Variants in LRRC8E observed in about 807,000 individuals in gnomAD.
LRRC8E encodes leucine rich repeat containing 8 VRAC subunit E, also known as volume-regulated anion channel subunit LRRC8E.
LRRC8E carries 6 observed loss-of-function variants against 6.1 expected under a neutral mutation model. That is an observed-to-expected ratio of 0.98 (90% confidence interval 0.54 to 1.93). The LOEUF (loss-of-function observed/expected upper bound fraction) is 1.93, where lower values mean the gene tolerates loss of function less well. Ranked by LOEUF, LRRC8E falls within the 30% of genes most tolerant of loss-of-function variation. The pLI, the probability that LRRC8E is intolerant of heterozygous loss-of-function variation, is 0.01. For synonymous variants in LRRC8E, 485 were observed against 472.8 expected (o/e 1.03, Z -0.33); for missense variants, 1,028 against 1,031.4 (o/e 1.00, Z 0.04).
intron 1 of LRRC8E, among the ~76,000 whole-genome samples, chr19:7,891,546 T>TGTGTGTG (rs71179158): frequency 7.6e-6 from 1 of 131,030 alleles, no homozygotes; most frequent in African/African-American, 2.8e-5. Context: ...TGTGTGTGTG[T>TGTGTGTG]TTGTGTGTGT....
Position 7,900,847 on chromosome 19 carries a change from C to T in LRRC8E, c.2325C>T (p.Leu775=), listed in dbSNP as rs952362780. 5.1e-6 allele frequency: 8 copies of T among 1,561,156 alleles called. No individual in the cohort carries two copies. Among genetic ancestry groups the T allele is most frequent in the Admixed American group, 1.9e-5 (1 of 51,684 alleles). Residue 775 remains leucine (L), a synonymous_variant, in exon 3 of 3, where the codon CTC becomes CTT. Transcript: ENST00000306708. This position sits in a 1 kb window ranked among gnomAD's most constrained non-coding sequence, Gnocchi z 5.0. ...GNCGGLKKAG[L]LVEDTLYQGL... is the part of the protein sequence containing the mutation. ...GTGGGGGGCTCAAGAAGGCGGGGCT[C>T]CTGGTGGAAGACACGCTTTACCAGG...
Position 7,900,589 on chromosome 19 carries a change from C to T in LRRC8E, c.2067C>T (p.His689=). Residue 689 remains histidine (H), a synonymous_variant, in exon 3 of 3, where the codon CAC becomes CAT. Coordinates refer to ENST00000306708, the MANE Select transcript of LRRC8E (RefSeq NM_025061.6). This position sits in a 1 kb window ranked among gnomAD's most constrained non-coding sequence, Gnocchi z 5.0. ...TGGATGTGTCCCACAATGGGCTACA[C>T]TCCCTGCCACCCGAGGTGGGCCTCC... ...RLLDVSHNGL[H]SLPPEVGLLQ... 1.9e-6 allele frequency: 3 copies of T among 1,613,300 alleles called. No individual in the cohort carries two copies. Among genetic ancestry groups the T allele is most frequent in the Non-Finnish European group, 2.5e-6 (3 of 1,180,042 alleles).
At chr19:7,891,198 C>G (rs1266536792) in intron 1 of LRRC8E, among the ~76,000 whole-genome samples, 4 of 152,186 alleles carry the variant, frequency 2.6e-5, no homozygotes, top group South Asian at 4.1e-4. Context: ...TAAAATGAGG[C>G]ATTCAGTGTC....
At position 7,900,896 on chromosome 19, in the gene LRRC8E, A is replaced by G. The variant is rs1375539611; in HGVS notation, c.2374A>G (p.Lys792Glu). Residue 792 changes from lysine (K) to glutamate (E), a missense_variant, in exon 3 of 3, where the codon AAG becomes GAG. Transcript: ENST00000306708. The surrounding 1 kb of genome is among the most constrained non-coding windows in gnomAD (Gnocchi z 5.0). ...GGGTCTGCCGGCAGAAGTGCGGGAC[A>G]AGATGGAGGAGGAATGAAGCTGGGG... ...YQGLPAEVRD[K>E]MEEE 1.6e-5 allele frequency: 25 copies of G among 1,520,924 alleles called. No individual in the cohort carries two copies. The highest frequency in any genetic ancestry group is 2.1e-5 in the Non-Finnish European group (24 of 1,136,814). The allele number at this position is 1,520,924 out of a possible 1,614,324, so 94.2% of individuals were successfully genotyped here.
intron 2 of LRRC8E, among the ~76,000 whole-genome samples, chr19:7,897,216 C>T (rs1981644089): frequency 6.6e-6 from 1 of 150,674 alleles, no homozygotes; most frequent in Admixed American, 6.7e-5. Flanking sequence ...GTCGCCCAGG[C>T]TGGCATGCAG....
chr19:7,901,017 G>T lies in LRRC8E; in HGVS notation c.*104G>T. ...GAAGCCAAGTGGGTCCAGGCCAGGA[G>T]ATGGGGGGGGCGGGGGCAGCTGTGT... On this transcript the variant is annotated 3_prime_UTR_variant, in exon 3 of 3. Coordinates refer to ENST00000306708, the MANE Select transcript of LRRC8E (RefSeq NM_025061.6). The T allele has an allele frequency of 3.1e-6, 2 of 641,916 alleles. No individual in the cohort carries two copies. The highest frequency in any genetic ancestry group is 2.4e-6 in the Non-Finnish European group (1 of 410,110). 39.8% of individuals were successfully genotyped at this position (641,916 alleles called of 1,614,324 possible).
chr19:7,892,500 A>T (rs1226343290), intron 1 of LRRC8E, among the ~76,000 whole-genome samples: 1 of 151,984 alleles, frequency 6.6e-6, no homozygotes, highest in South Asian at 2.1e-4. Context: ...GAGCCACTGC[A>T]CCCAGCCTGG....
rs774717725 is a variant in LRRC8E at position 7,900,932 on chromosome 19, T to C, written c.*19T>C. The C allele has an allele frequency of 2.0e-6, 3 of 1,509,068 alleles. No homozygotes were observed. The highest frequency in any genetic ancestry group is 1.8e-6 in the Non-Finnish European group (2 of 1,131,520). The allele number at this position is 1,509,068 out of a possible 1,614,324, so 93.5% of individuals were successfully genotyped here. On this transcript the variant is annotated 3_prime_UTR_variant, in exon 3 of 3. Transcript: ENST00000306708. This position sits in a 1 kb window ranked among gnomAD's most constrained non-coding sequence, Gnocchi z 5.0. ...GGAATGAAGCTGGGGTGGGGCCGTT[T>C]TAGGTAGAGCCTTAAAAATGCTTCT... is the stretch of plus-strand genomic sequence containing the variant.
rs773450582 is a variant in LRRC8E, at chr19:7,899,946, C to A, written c.1424C>A (p.Pro475His). The A allele has an allele frequency of 1.2e-6, 2 of 1,609,304 alleles. No individual in the cohort carries two copies. Among genetic ancestry groups the A allele is most frequent in the Non-Finnish European group, 1.7e-6 (2 of 1,179,932 alleles). The change falls in exon 3 of 3, where the codon CCC becomes CAC. Residue 475 changes from proline to histidine, a missense_variant. Coordinates refer to ENST00000306708, the MANE Select transcript of LRRC8E (RefSeq NM_025061.6). The part of the protein sequence containing the change: ...LSLLHSPARL[P>H]FSLQVFLRDH... ...TTGCTCCACTCGCCCGCCAGGCTAC[C>A]CTTCTCCTTGCAGGTCTTCCTGCGG... is the stretch of plus-strand genomic sequence containing the variant.
chr19:7,895,828 A>G lies in LRRC8E; in HGVS notation c.138+87A>G. On this transcript the variant is annotated intron_variant, in intron 2 of 2. Coordinates refer to ENST00000306708, the MANE Select transcript of LRRC8E (RefSeq NM_025061.6). The surrounding 1 kb of genome is among the most constrained non-coding windows in gnomAD (Gnocchi z 4.7). ...CGGGAAGCCTTCTCATCACCCAAGA[A>G]AGAGAGGAAACTGAAGACAGAGCCC... is the stretch of plus-strand genomic sequence containing the variant. The G allele has an allele frequency of 6.5e-7, 1 of 1,530,196 alleles. No homozygotes were observed. Among genetic ancestry groups the G allele is most frequent in the Non-Finnish European group, 8.9e-7 (1 of 1,123,016 alleles). The allele number at this position is 1,530,196 out of a possible 1,614,324, so 94.8% of individuals were successfully genotyped here. A position where few individuals can be genotyped will look rare whatever the true frequency, so the allele number is the denominator to read the frequency against.
In LRRC8E at chr19:7,900,136, G is replaced by A. The variant is rs1269752375; in HGVS notation, c.1614G>A (p.Lys538=). Reference sequence around the variant, plus strand: ...GCCTCCGGGAGCTGAAGCAGCTCAAGGTGTTGTCCCTCCGGAGCAACGCCG... The same window carrying A: ...GCCTCCGGGAGCTGAAGCAGCTCAAAGTGTTGTCCCTCCGGAGCAACGCCG... ...LESLRELKQL[K]VLSLRSNAGK... Residue 538 remains lysine, a synonymous_variant, in exon 3 of 3, where the codon AAG becomes AAA. Coordinates refer to ENST00000306708, the MANE Select transcript of LRRC8E (RefSeq NM_025061.6). This position sits in a 1 kb window ranked among gnomAD's most constrained non-coding sequence, Gnocchi z 5.0. 1 of 1,612,838 alleles carries A rather than the reference G, an allele frequency of 6.2e-7. No homozygotes were observed. Among genetic ancestry groups the A allele is most frequent in the Non-Finnish European group, 8.5e-7 (1 of 1,180,018 alleles).
chr19:7,898,586 T>C (rs1016520745), intron 2 of LRRC8E, 75 bp from the exon 3 acceptor site: 6 of 1,342,788 alleles, frequency 4.5e-6, no homozygotes, highest in Admixed American at 4.4e-5. Flanking sequence ...CTCGAACTCC[T>C]GACCTAAAGT....
Position 7,900,375 on chromosome 19 carries a change from G to A in LRRC8E, c.1853G>A (p.Arg618His), listed in dbSNP as rs770398922. ...QELDLKDNHL[R>H]SIEEILSFQH... ...CTTGACCTCAAGGACAACCACCTGC[G>A]CTCCATCGAGGAAATCCTCAGCTTC... The change falls in exon 3 of 3, where the codon CGC (arginine) becomes CAC (histidine). Residue 618 changes from arginine to histidine, a missense_variant. Coordinates refer to ENST00000306708, the MANE Select transcript of LRRC8E (RefSeq NM_025061.6). The surrounding 1 kb of genome is among the most constrained non-coding windows in gnomAD (Gnocchi z 5.0). 6 of 1,612,894 alleles carry A rather than the reference G, an allele frequency of 3.7e-6. No individual in the cohort carries two copies. Among genetic ancestry groups the A allele is most frequent in the East Asian group, 2.2e-5 (1 of 44,868 alleles).
rs116741456 is a variant in LRRC8E, at chr19:7,892,400, G to A, written c.-5-3199G>A. On this transcript the variant is annotated intron_variant, in intron 1 of 2. Transcript: ENST00000306708. ...ATTTTTAGATTTTTTTGTAGAAATG[G>A]GGTCTGACTATGTTGTCCTGGCTGC... 3.3e-3 allele frequency among the ~76,000 whole-genome samples: 507 copies of A among 151,730 alleles called. 2 individuals carry two copies. The highest frequency in any genetic ancestry group is 0.012 in the African/African-American group (482 of 41,364).
chr19:7,893,267 A>C (rs1233373574), intron 1 of LRRC8E, among the ~76,000 whole-genome samples: 4 of 151,946 alleles, frequency 2.6e-5, no homozygotes, highest in Non-Finnish European at 4.4e-5. Context: ...CGGCCTCCCA[A>C]AGTGCTGGGA....
At chr19:7,891,205 T>G (rs1981290326) in intron 1 of LRRC8E, among the ~76,000 whole-genome samples, 1 of 152,190 alleles carries the variant, frequency 6.6e-6, no homozygotes. Flanking sequence ...AGGCATTCAG[T>G]GTCTGGTGGA....
Position 7,901,916 on chromosome 19 carries a change from G to A in LRRC8E, c.*1003G>A, listed in dbSNP as rs904963366. The A allele has an allele frequency of 6.6e-6, 1 of 152,152 alleles. No individual in the cohort carries two copies. The highest frequency in any genetic ancestry group is 2.4e-5 in the African/African-American group (1 of 41,426). The allele number at this position is 152,152 out of a possible 1,614,324, so 9.4% of individuals were successfully genotyped here. The stretch of plus-strand genomic sequence containing the variant: ...CTTCCTAAGGTGGGTGGACTGCAGG[G>A]TTAGGACACCTGCTATAGAGGTGAC... On this transcript the variant is annotated 3_prime_UTR_variant, in exon 3 of 3. Transcript: ENST00000306708.
In LRRC8E at chr19:7,895,481, C is replaced by T; in HGVS notation, c.-5-118C>T. ...GGGGCACACACTTTGGTGGTTTGGACAAGTTTGGGCAGGGAGGGTCACAGG... is the reference window on the plus strand; with the variant it reads ...GGGGCACACACTTTGGTGGTTTGGATAAGTTTGGGCAGGGAGGGTCACAGG... On this transcript the variant is annotated intron_variant, in intron 1 of 2. Coordinates refer to ENST00000306708, the MANE Select transcript of LRRC8E (RefSeq NM_025061.6). The surrounding 1 kb of genome is among the most constrained non-coding windows in gnomAD (Gnocchi z 4.7). The T allele has an allele frequency of 7.7e-7, 1 of 1,304,174 alleles. No individual in the cohort carries two copies. The highest frequency in any genetic ancestry group is 1.1e-6 in the Non-Finnish European group (1 of 930,508). 80.8% of individuals were successfully genotyped at this position (1,304,174 alleles called of 1,614,324 possible). A position where few individuals can be genotyped will look rare whatever the true frequency, so the allele number is the denominator to read the frequency against.
At chr19:7,889,281 A>G (rs1981178375) in intron 1 of LRRC8E, among the ~76,000 whole-genome samples, 1 of 151,966 alleles carries the variant, frequency 6.6e-6, no homozygotes, top group Non-Finnish European at 1.5e-5. Flanking sequence ...GTGAAACCCC[A>G]TCTCTACTAA....
Sources: gnomAD v4.1 joint callset for allele counts (sites outside exome capture counted in the v4.1 genomes callset) on GRCh38, gnomAD v4.1.1 for gene constraint, Gnocchi (gnomAD v3.1) non-coding constraint, MANE v1.5 for transcripts, NCBI Gene and HGNC (gene_info 2026-07-23, HGNC 2026-07-21) for gene names.